The following PWWP2B variants were observed in gnomAD, a reference collection of about 807,000 sequenced individuals.
The protein encoded by PWWP2B is PWWP domain containing 2B, also known as PWWP domain-containing protein 2B.
A neutral mutation model predicts 15.5 loss-of-function variants in PWWP2B; 9 were observed. That is an observed-to-expected ratio of 0.58 (90% CI 0.35 to 1.02). The LOEUF (loss-of-function observed/expected upper bound fraction) is 1.02, where lower values mean the gene tolerates loss of function less well. Ranked by LOEUF, PWWP2B falls within the 50% of genes least tolerant of loss-of-function variation. The pLI is 0.02. For missense variants in PWWP2B, 864 were observed against 865.3 expected, an observed-to-expected ratio of 1.00 and a Z score of 0.02; for synonymous variants, 474 against 403.6, an observed-to-expected ratio of 1.17 and a Z score of -2.09.
Position 132,405,314 on chromosome 10 carries a change from C to T in PWWP2B, c.814C>T (p.Arg272Cys). 1.2e-6 allele frequency: 2 copies of T among 1,612,228 alleles called. No homozygotes were observed. Among genetic ancestry groups the T allele is most frequent in the Non-Finnish European group, 1.7e-6 (2 of 1,179,730 alleles). Residue 272 changes from arginine to cysteine, a missense_variant, in exon 2 of 3, where the codon CGC becomes TGC. By Grantham distance (180) the Arg-to-Cys change is radical (BLOSUM62 -3). This residue lies in a region of PWWP2B where 736 missense variants were observed against 687.7 expected (regional missense o/e 1.07). Coordinates refer to ENST00000305233, the MANE Select transcript of PWWP2B (RefSeq NM_138499.4). ...GGGAGAGGTGGTCAAGATCCCCTCC[C>T]GCGTGCACGGCTCTCTGGAGCCCTT... is the stretch of plus-strand genomic sequence containing the variant. ...GKGEVVKIPS[R>C]VHGSLEPFRP...
At chr10:132,415,699 T>G (rs979963465) in intron 2 of PWWP2B, among the ~76,000 whole-genome samples, 1 of 119,490 alleles carries the variant, frequency 8.4e-6, no homozygotes, top group African/African-American at 3.8e-5. Flanking sequence ...ACACATGCAC[T>G]CTCACACACA....
Position 132,397,248 on chromosome 10 carries a change from C to G in PWWP2B, c.22C>G (p.Arg8Gly). 1.6e-6 allele frequency: 2 copies of G among 1,276,520 alleles called. No individual in the cohort carries two copies. Among genetic ancestry groups the G allele is most frequent in the Non-Finnish European group, 2.0e-6 (2 of 1,003,276 alleles). The allele number at this position is 1,276,520 out of a possible 1,614,324, so 79.1% of individuals were successfully genotyped here. A position where few individuals can be genotyped will look rare whatever the true frequency, so the allele number is the denominator to read the frequency against. ...GAGCATGGAGCCGCGCGCCGGCTGC[C>G]GGCTGCCGGTGCGGGTGGAGCAGGT... MEPRAGCRLPVRVEQVVN... is the reference protein window; with the variant it reads MEPRAGCGLPVRVEQVVN... The change falls in exon 1 of 3, where the codon CGG (arginine) becomes GGG (glycine). Residue 8 changes from arginine (R) to glycine (G), a missense_variant. By Grantham distance (125) the Arg-to-Gly change is moderately radical (BLOSUM62 -2). This residue lies in a region of PWWP2B where 736 missense variants were observed against 687.7 expected (regional missense o/e 1.07). Transcript: ENST00000305233.
chr10:132,407,240 G>A (rs906534008), intron 2 of PWWP2B, among the ~76,000 whole-genome samples: 1 of 152,264 alleles, frequency 6.6e-6, no homozygotes, highest in African/African-American at 2.4e-5. Context: ...CCCAGCAGGA[G>A]AAGGCAGGCC....
chr10:132,404,175 G>A (rs1169053496), intron 1 of PWWP2B, among the ~76,000 whole-genome samples: 3 of 152,114 alleles, frequency 2.0e-5, no homozygotes, highest in Non-Finnish European at 4.4e-5. Context: ...GAGTCCCCCA[G>A]CCCCTCGGAG....
intron 1 of PWWP2B, among the ~76,000 whole-genome samples, chr10:132,402,313 C>T (rs975842702): frequency 2.0e-5 from 3 of 152,252 alleles, no homozygotes; most frequent in African/African-American, 7.2e-5. Context: ...TTGCCCCCTC[C>T]CTCTGGCTGT....
Position 132,405,759 on chromosome 10 carries a change from A to G in PWWP2B, c.1259A>G (p.Glu420Gly). ...GAGGGGAGAGCGGACTGTGCCAGTGAGTCGGCGTGCAGCAGCGACAGCCTG... is the reference window on the plus strand; with the variant it reads ...GAGGGGAGAGCGGACTGTGCCAGTGGGTCGGCGTGCAGCAGCGACAGCCTG... ...CPEGRADCAS[E>G]SACSSDSLDE... The change falls in exon 2 of 3, where the codon GAG (glutamate) becomes GGG (glycine). Residue 420 changes from glutamate to glycine, a missense_variant. Physicochemically the swap from Glu to Gly is moderately conservative, Grantham distance 98. This residue lies in a region of PWWP2B where 736 missense variants were observed against 687.7 expected (regional missense o/e 1.07). Transcript: ENST00000305233. The G allele has an allele frequency of 6.2e-7, 1 of 1,607,714 alleles. No individual in the cohort carries two copies. The highest frequency in any genetic ancestry group is 1.1e-5 in the South Asian group (1 of 91,084).
In PWWP2B at chr10:132,405,244, G is replaced by A. The variant is rs144621296; in HGVS notation, c.744G>A (p.Pro248=). The change falls in exon 2 of 3, where the codon CCG becomes CCA. Residue 248 remains proline (P), a synonymous_variant. Coordinates refer to ENST00000305233, the MANE Select transcript of PWWP2B (RefSeq NM_138499.4). ...EEDRAPAEQV[P]RSPVIKISYS... is the part of the protein sequence containing the mutation. Reference sequence around the variant, plus strand: ...ACAGGGCCCCGGCAGAGCAGGTCCCGCGGAGCCCGGTCATCAAGATCTCCT... The same window carrying A: ...ACAGGGCCCCGGCAGAGCAGGTCCCACGGAGCCCGGTCATCAAGATCTCCT... 8.2e-4 allele frequency: 1,325 copies of A among 1,608,404 alleles called. 2 individuals carry two copies. Among genetic ancestry groups the A allele is most frequent in the South Asian group, 1.6e-3 (149 of 90,454 alleles).
At chr10:132,398,122 G>C (rs1314948389) in intron 1 of PWWP2B, among the ~76,000 whole-genome samples, 5 of 152,222 alleles carry the variant, frequency 3.3e-5, no homozygotes, top group Admixed American at 2.6e-4. Context: ...GCCTCGCTGC[G>C]CTCCTGCAGG....
At chr10:132,407,817 G>A (rs1340719351) in intron 2 of PWWP2B, among the ~76,000 whole-genome samples, 3 of 152,202 alleles carry the variant, frequency 2.0e-5, no homozygotes, top group Non-Finnish European at 4.4e-5. Context: ...TTGAGTCTGG[G>A]GAGTGTCTCA....
At chr10:132,400,205 G>A (rs2069597731) in intron 1 of PWWP2B, among the ~76,000 whole-genome samples, 1 of 152,158 alleles carries the variant, frequency 6.6e-6, no homozygotes, top group African/African-American at 2.4e-5. Context: ...CCTGCCCTTG[G>A]GGAGTGAGAG....
rs774549118 is a variant in PWWP2B at position 132,405,439 on chromosome 10, C to T, written c.939C>T (p.Ile313=). Residue 313 remains isoleucine, a synonymous_variant, in exon 2 of 3, where the codon ATC becomes ATT. Transcript: ENST00000305233. ...CGTCCTGCGCGCCCTCGGCCTCCAT[C>T]CCCAAGTTGAAACTGACACGGCCTG... ...DRPSCAPSAS[I]PKLKLTRPVP... The T allele has an allele frequency of 1.9e-6, 3 of 1,609,748 alleles. No homozygotes were observed. The highest frequency in any genetic ancestry group is 2.5e-6 in the Non-Finnish European group (3 of 1,179,430).
chr10:132,404,042 T>C lies in PWWP2B; in HGVS notation c.126-584T>C, dbSNP rs61865562. Among the ~76,000 whole-genome samples the C allele has an allele frequency of 7.8e-3, 486 of 62,632 alleles. 6 individuals are homozygous for C. The highest frequency in any genetic ancestry group is 0.041 in the African/African-American group (461 of 11,172). 41.1% of individuals were successfully genotyped at this position (62,632 alleles called of 152,430 possible). On this transcript the variant is annotated intron_variant, in intron 1 of 2. Transcript: ENST00000305233. ...GCAGGACGGCATTCTCCAGGGCTCCTGCAGGACGGCATTCTCCAGGGCTCC... is the reference window on the plus strand; with the variant it reads ...GCAGGACGGCATTCTCCAGGGCTCCCGCAGGACGGCATTCTCCAGGGCTCC...
chr10:132,398,922 C>G (rs577856032), intron 1 of PWWP2B, among the ~76,000 whole-genome samples: 5 of 147,084 alleles, frequency 3.4e-5, no homozygotes, highest in Non-Finnish European at 7.6e-5. Context: ...GGCTCCCCGA[C>G]CCCCAGTCCT....
chr10:132,406,076 G>A lies in PWWP2B; in HGVS notation c.1576G>A (p.Ala526Thr). 6.2e-7 allele frequency: 1 copy of A among 1,613,684 alleles called. No individual in the cohort carries two copies. Among genetic ancestry groups the A allele is most frequent in the Non-Finnish European group, 8.5e-7 (1 of 1,179,842 alleles). ...GGACGGAGAGCCGTCTTGGCGAGAA[G>A]CGAAGGTCTCGTGGTTTGGTTCTCC... ...KEDGEPSWREAKVSWFGSPTT... is the reference protein window; with the variant it reads ...KEDGEPSWRETKVSWFGSPTT... The change falls in exon 2 of 3, where the codon GCG becomes ACG. Residue 526 changes from alanine (A) to threonine (T), a missense_variant. This residue lies in a region of PWWP2B where 128 missense variants were observed against 177.6 expected (regional missense o/e 0.72). Transcript: ENST00000305233.
Position 132,405,430 on chromosome 10 carries a change from G to C in PWWP2B, c.930G>C (p.Ser310=). 3 of 1,610,048 alleles carry C rather than the reference G, an allele frequency of 1.9e-6. No individual in the cohort carries two copies. Among genetic ancestry groups the C allele is most frequent in the Non-Finnish European group, 2.5e-6 (3 of 1,179,398 alleles). Residue 310 remains serine (S), a synonymous_variant, in exon 2 of 3, where the codon TCG becomes TCC. Coordinates refer to ENST00000305233, the MANE Select transcript of PWWP2B (RefSeq NM_138499.4). ...GGGACCGGCCGTCCTGCGCGCCCTCGGCCTCCATCCCCAAGTTGAAACTGA... is the reference window on the plus strand; with the variant it reads ...GGGACCGGCCGTCCTGCGCGCCCTCCGCCTCCATCCCCAAGTTGAAACTGA... ...ESRDRPSCAP[S]ASIPKLKLTR... is the part of the protein sequence containing the mutation.
chr10:132,401,098 C>T (rs1019468400), intron 1 of PWWP2B, among the ~76,000 whole-genome samples: 1 of 152,218 alleles, frequency 6.6e-6, no homozygotes. Flanking sequence ...GGCCCCAGGG[C>T]CGCCACGGCT....
intron 2 of PWWP2B, among the ~76,000 whole-genome samples, chr10:132,415,509 AC>A (rs1178805310): frequency 3.3e-5 from 5 of 149,438 alleles, no homozygotes; most frequent in African/African-American, 1.2e-4. Context: ...ACATCCACTC[AC>A]ATCCAGACAT....
Position 132,405,226 on chromosome 10 carries a change from C to A in PWWP2B, c.726C>A (p.Ala242=), listed in dbSNP as rs749011040. 2.5e-6 allele frequency: 4 copies of A among 1,601,638 alleles called. No individual in the cohort carries two copies. The South Asian group carries it at 4.5e-5, about 18-fold the overall frequency. ...SKRERREEDR[A]PAEQVPRSPV... Reference sequence around the variant, plus strand: ...GGGAGAGGCGCGAGGAGGACAGGGCCCCGGCAGAGCAGGTCCCGCGGAGCC... The same window carrying A: ...GGGAGAGGCGCGAGGAGGACAGGGCACCGGCAGAGCAGGTCCCGCGGAGCC... Residue 242 remains alanine (A), a synonymous_variant, in exon 2 of 3, where the codon GCC becomes GCA. Transcript: ENST00000305233.
chr10:132,417,333 T>A lies in PWWP2B; in HGVS notation c.*289T>A. The A allele has an allele frequency of 3.8e-6, 2 of 521,986 alleles. No individual in the cohort carries two copies. Among genetic ancestry groups the A allele is most frequent in the Non-Finnish European group, 6.8e-6 (2 of 293,580 alleles). The allele number at this position is 521,986 out of a possible 1,614,324, so 32.3% of individuals were successfully genotyped here. Reference sequence around the variant, plus strand: ...TCGTGACTTGCTGGCTGCTGGCTGCTGCTGCCTCGCGCGCTGGGGTTCCAT... The same window carrying A: ...TCGTGACTTGCTGGCTGCTGGCTGCAGCTGCCTCGCGCGCTGGGGTTCCAT... On this transcript the variant is annotated 3_prime_UTR_variant, in exon 3 of 3. Transcript: ENST00000305233.
Sources: gnomAD v4.1 joint callset for allele counts (sites outside exome capture counted in the v4.1 genomes callset) on GRCh38, gnomAD v4.1.1 for gene constraint, gnomAD v4.1.1 regional missense constraint, MANE v1.5 for transcripts, NCBI Gene and HGNC (gene_info 2026-07-23, HGNC 2026-07-21) for gene names.